SBF2: variants seen among roughly 807,000 people sequenced by gnomAD.
SBF2 encodes the protein myotubularin-related protein 13.
Under a neutral mutation model 225.2 loss-of-function variants are expected in SBF2, and 112 were observed. The ratio of observed to expected loss-of-function variants is 0.50; its 90% CI spans 0.43 to 0.58. SBF2 has a LOEUF of 0.58. Among genes scored for constraint, SBF2 ranks in the 20% least tolerant of loss-of-function variants. The pLI, the probability that SBF2 is intolerant of heterozygous loss-of-function variation, is 0.00. For synonymous variants in SBF2, 763 were observed against 773.3 expected, an observed-to-expected ratio of 0.99 and a Z score of 0.22; for missense variants, 1,996 against 2,206.2, an observed-to-expected ratio of 0.90 and a Z score of 1.91.
Position 10,294,160 on chromosome 11 carries a change from G to T in SBF2, c.-91C>A. On this transcript the variant is annotated 5_prime_UTR_variant, in exon 1 of 40. Coordinates refer to ENST00000256190, the MANE Select transcript of SBF2 (RefSeq NM_030962.4). ...CCCGGGAGGGCTCAGCATTTTCCCT[G>T]CAGCGGCAGTAGCGGCAGCGGCAGC... The T allele has an allele frequency of 1.0e-6, 1 of 989,070 alleles. No homozygotes were observed. Among genetic ancestry groups the T allele is most frequent in the African/African-American group, 1.7e-5 (1 of 58,752 alleles). 61.3% of individuals were successfully genotyped at this position (989,070 alleles called of 1,614,324 possible). A position where few individuals can be genotyped will look rare whatever the true frequency, so the allele number is the denominator to read the frequency against.
chr11:10,148,527 T>C (rs1352559903), intron 2 of SBF2, among the ~76,000 whole-genome samples: 1 of 151,808 alleles, frequency 6.6e-6, no homozygotes, highest in African/African-American at 2.4e-5. Context: ...TCCTCCCAGA[T>C]ATAGAATGCA....
At chr11:10,145,167 GC>G (rs1298173604) in intron 2 of SBF2, among the ~76,000 whole-genome samples, 1 of 152,134 alleles carries the variant, frequency 6.6e-6, no homozygotes, top group East Asian at 1.9e-4. Context: ...ACAGTTTGAG[GC>G]TGGAATCATC....
At chr11:9,994,593 T>TATATATATATATATATATATATATA (rs1481026391) in intron 9 of SBF2, among the ~76,000 whole-genome samples, 2 of 149,772 alleles carry the variant, frequency 1.3e-5, no homozygotes, top group African/African-American at 4.9e-5. Flanking sequence ...TATATATATA[T>TATATATATATATATATATATATATA]GAAAATGAAA....
intron 12 of SBF2, among the ~76,000 whole-genome samples, chr11:9,990,685 G>A (rs1283520146): frequency 6.6e-6 from 1 of 152,136 alleles, no homozygotes; most frequent in Admixed American, 6.5e-5. Context: ...TGACTCAGTA[G>A]GAACCTTGGA....
chr11:9,882,946 GCTAT>G lies in SBF2; in HGVS notation c.1929+12993_1929+12996del, dbSNP rs1465772233. On this transcript the variant is annotated intron_variant, in intron 17 of 39. Coordinates refer to ENST00000256190, the MANE Select transcript of SBF2 (RefSeq NM_030962.4). ...TTCTCTTGCCCAAGCACCTAAAATAGCTATCTATTAGCCTGGGCAACATGGTAAA... is the reference window on the plus strand; with the variant it reads ...TTCTCTTGCCCAAGCACCTAAAATAGCTATTAGCCTGGGCAACATGGTAAA... 1.7e-4 allele frequency among the ~76,000 whole-genome samples: 26 copies of G among 151,826 alleles called. No individual in the cohort carries two copies. The East Asian group carries it at 3.5e-3, about 20-fold the overall frequency.
intron 17 of SBF2, among the ~76,000 whole-genome samples, chr11:9,872,285 A>T (rs1858839766): frequency 6.6e-6 from 1 of 152,178 alleles, no homozygotes; most frequent in Non-Finnish European, 1.5e-5. Context: ...ACATGGACAC[A>T]TAGGGAAGAA....
In SBF2 at chr11:9,908,556, G is replaced by A. The variant is rs1451216991; in HGVS notation, c.1861-12545C>T. Among the ~76,000 whole-genome samples the A allele has an allele frequency of 2.0e-5, 3 of 152,340 alleles. No homozygotes were observed. In the East Asian group the frequency reaches 5.8e-4, roughly 29 times the overall value. Reference sequence around the variant, plus strand: ...GCAGGAGAATGGCGTGAACCCGGGAGGCGGAGCTTGCAGTGAGCCGAGATC... The same window carrying A: ...GCAGGAGAATGGCGTGAACCCGGGAAGCGGAGCTTGCAGTGAGCCGAGATC... On this transcript the variant is annotated intron_variant, in intron 16 of 39. Coordinates refer to ENST00000256190, the MANE Select transcript of SBF2 (RefSeq NM_030962.4).
At chr11:9,969,741 T>C (rs1757767316) in intron 13 of SBF2, among the ~76,000 whole-genome samples, 1 of 152,202 alleles carries the variant, frequency 6.6e-6, no homozygotes, top group Admixed American at 6.5e-5. Context: ...TTTCTCTATA[T>C]CACTTATCAC....
intron 1 of SBF2, among the ~76,000 whole-genome samples, chr11:10,231,669 G>A (rs1958852403): frequency 1.3e-5 from 2 of 152,204 alleles, no homozygotes; most frequent in South Asian, 2.1e-4. Flanking sequence ...TTCTCTGGAA[G>A]TTTTGTCTCA....
intron 17 of SBF2, among the ~76,000 whole-genome samples, chr11:9,882,189 C>T (rs1444061744): frequency 6.6e-6 from 1 of 152,156 alleles, no homozygotes; most frequent in African/African-American, 2.4e-5. Context: ...AGTCACCAGA[C>T]AACATTTCAG....
intron 6 of SBF2, among the ~76,000 whole-genome samples, chr11:10,028,056 T>G (rs183324543): frequency 6.6e-6 from 1 of 152,144 alleles, no homozygotes; most frequent in Non-Finnish European, 1.5e-5. Context: ...ATTTCAGGTG[T>G]GCACCAACAT....
intron 2 of SBF2, among the ~76,000 whole-genome samples, chr11:10,153,636 A>C (rs2135180782): frequency 6.6e-6 from 1 of 152,290 alleles, no homozygotes; most frequent in Middle Eastern, 3.4e-3. Context: ...AATGCAAATT[A>C]ACCCAAAAGT....
chr11:10,223,140 T>C (rs973644439), intron 1 of SBF2, among the ~76,000 whole-genome samples: 1 of 151,730 alleles, frequency 6.6e-6, no homozygotes, highest in African/African-American at 2.4e-5. Flanking sequence ...ACGCACTCAC[T>C]GATTACATAA....
At chr11:9,939,138 T>C (rs939830802) in intron 16 of SBF2, among the ~76,000 whole-genome samples, 2 of 152,180 alleles carry the variant, frequency 1.3e-5, no homozygotes, top group Admixed American at 1.3e-4. Context: ...CACTGTCGCC[T>C]AGGCTGGAGT....
intron 17 of SBF2, among the ~76,000 whole-genome samples, chr11:9,890,978 A>G (rs1448756014): frequency 6.6e-6 from 1 of 152,022 alleles, no homozygotes; most frequent in Non-Finnish European, 1.5e-5. Flanking sequence ...TACGGTAAAA[A>G]TGCAAAAATT....
At chr11:10,109,863 A>G (rs1262511654) in intron 2 of SBF2, among the ~76,000 whole-genome samples, 2 of 152,252 alleles carry the variant, frequency 1.3e-5, no homozygotes, top group Non-Finnish European at 2.9e-5. Context: ...TACCTTGATT[A>G]TATTATGAAG....
At chr11:9,942,464 ATCTTAATTTAAG>A (rs1241208130) in intron 16 of SBF2, among the ~76,000 whole-genome samples, 1 of 152,228 alleles carries the variant, frequency 6.6e-6, no homozygotes, top group Non-Finnish European at 1.5e-5. Context: ...ATTCAATGTA[ATCTTAATTTAAG>A]TTCCAGTAGA....
chr11:10,287,845 A>G (rs1013572159), intron 1 of SBF2, among the ~76,000 whole-genome samples: 1 of 152,278 alleles, frequency 6.6e-6, no homozygotes, highest in African/African-American at 2.4e-5. Context: ...CCTGGATCCC[A>G]TGCCTCCAAG....
chr11:9,812,457 C>T, intron 30 of SBF2, 75 bp downstream of exon 30: 1 of 1,503,716 alleles, frequency 6.7e-7, no homozygotes, highest in Non-Finnish European at 9.2e-7. Context: ...TTTTTTTTCT[C>T]AAATACAGTT....
Sources: gnomAD v4.1 joint callset for allele counts (sites outside exome capture counted in the v4.1 genomes callset) on GRCh38, gnomAD v4.1.1 for gene constraint, MANE v1.5 for transcripts, NCBI Gene and HGNC (gene_info 2026-07-23, HGNC 2026-07-21) for gene names.